The following CDC14A variants were observed in gnomAD, a reference collection of about 807,000 sequenced individuals.
CDC14A encodes the protein dual specificity protein phosphatase CDC14A.
In CDC14A, 53 loss-of-function variants were observed where a neutral mutation model predicts 74.4. The observed-to-expected ratio is 0.71, with a 90% CI of 0.57 to 0.89. The LOEUF (loss-of-function observed/expected upper bound fraction) is 0.89, where lower values mean the gene tolerates loss of function less well. CDC14A is among the 40% of genes least tolerant of loss of function. The pLI is 0.00. For missense variants in CDC14A, 646 were observed against 713.7 expected, an observed-to-expected ratio of 0.91 and a Z score of 1.08; for synonymous variants, 247 against 258.4, an observed-to-expected ratio of 0.96 and a Z score of 0.43.
At chr1:100,400,174 A>T (rs1218201319) in intron 4 of CDC14A, among the ~76,000 whole-genome samples, 2 of 152,188 alleles carry the variant, frequency 1.3e-5, no homozygotes, top group African/African-American at 4.8e-5. Flanking sequence ...ATCATTGGAC[A>T]CTGATATACC....
intron 7 of CDC14A, among the ~76,000 whole-genome samples, chr1:100,446,057 A>G (rs1315250092): frequency 6.6e-6 from 1 of 152,112 alleles, no homozygotes; most frequent in East Asian, 1.9e-4. Flanking sequence ...AGTGAGTATG[A>G]TATTTGGTGA....
intron 6 of CDC14A, among the ~76,000 whole-genome samples, chr1:100,441,450 C>T (rs928364087): frequency 1.3e-5 from 2 of 151,980 alleles, no homozygotes; most frequent in Non-Finnish European, 2.9e-5. Flanking sequence ...CACATTTTTG[C>T]CTTTTTAGGG....
rs369433263 is a variant in CDC14A, at chr1:100,367,600, A to G, written c.141-9946A>G. ...CTTACAAGTGTAAGTATTGTATCAA[A>G]TGACCTTAAGATAAGATAGAGCTTG... On this transcript the variant is annotated intron_variant, in intron 2 of 15. Coordinates refer to ENST00000336454, the MANE Select transcript of CDC14A (RefSeq NM_003672.4). Among the ~76,000 whole-genome samples, 3 of 152,232 alleles carry G rather than the reference A, an allele frequency of 2.0e-5. No individual in the cohort carries two copies. The East Asian group carries it at 5.8e-4, about 29-fold the overall frequency.
intron 15 of CDC14A, chr1:100,504,764 C>G (rs1422098232): frequency 7.2e-7 from 1 of 1,385,276 alleles, no homozygotes; most frequent in Non-Finnish European, 9.9e-7. Context: ...AGTATTGTAT[C>G]TTTGCACCAG....
intron 4 of CDC14A, among the ~76,000 whole-genome samples, chr1:100,403,481 C>T (rs887797574): frequency 6.6e-6 from 1 of 152,164 alleles, no homozygotes; most frequent in Non-Finnish European, 1.5e-5. Flanking sequence ...TGTTTGATTG[C>T]TCTGCATCTA....
intron 5 of CDC14A, among the ~76,000 whole-genome samples, chr1:100,432,892 A>G (rs1663881697): frequency 6.6e-6 from 1 of 151,922 alleles, no homozygotes; most frequent in South Asian, 2.1e-4. Flanking sequence ...TTTCTCCTTT[A>G]TTTATTTGTT....
At chr1:100,500,539 C>A (rs1291635443) in intron 15 of CDC14A, among the ~76,000 whole-genome samples, 1 of 152,102 alleles carries the variant, frequency 6.6e-6, no homozygotes, top group South Asian at 2.1e-4. Flanking sequence ...TGGTGGATCA[C>A]CTGAGGTCAG....
intron 9 of CDC14A, 130 bp from the exon 10 acceptor site, chr1:100,467,826 T>C (rs1557792625): frequency 2.3e-6 from 2 of 872,924 alleles, no homozygotes; most frequent in African/African-American, 1.8e-5. Context: ...ATAGCAGTTA[T>C]GTTTATTAGC....
At chr1:100,388,328 C>T (rs1657159847) in intron 3 of CDC14A, among the ~76,000 whole-genome samples, 1 of 152,152 alleles carries the variant, frequency 6.6e-6, no homozygotes, top group Non-Finnish European at 1.5e-5. Flanking sequence ...ACCAACCACC[C>T]AACAGACAAT....
chr1:100,391,023 A>ATGAGAGAATCTT (rs1553174259), intron 4 of CDC14A, 199 bp downstream of exon 4: 6 of 613,438 alleles, frequency 9.8e-6, no homozygotes, highest in African/African-American at 1.8e-5. Context: ...CTACTAGTTA[A>ATGAGAGAATCTT]TGAGAGAATC....
intron 8 of CDC14A, among the ~76,000 whole-genome samples, chr1:100,456,659 A>G (rs1387474148): frequency 6.6e-6 from 1 of 151,606 alleles, no homozygotes; most frequent in East Asian, 1.9e-4. Context: ...AAAAAGATTT[A>G]TTTTTCTTTA....
intron 11 of CDC14A, among the ~76,000 whole-genome samples, chr1:100,487,683 TTGTGGTTTTACTGAA>T (rs1670184441): frequency 6.6e-6 from 1 of 152,160 alleles, no homozygotes; most frequent in African/African-American, 2.4e-5. Context: ...ATGGACTAAG[TTGTGGTTTTACTGAA>T]TGTTCTTTGC....
chr1:100,512,889 T>C (rs546530101), intron 15 of CDC14A, among the ~76,000 whole-genome samples: 3 of 152,258 alleles, frequency 2.0e-5, no homozygotes, highest in Admixed American at 6.5e-5. Flanking sequence ...TCTAGTGTTA[T>C]TGGAGGAAAT....
chr1:100,396,624 T>C (rs1340589365), intron 4 of CDC14A, among the ~76,000 whole-genome samples: 1 of 152,240 alleles, frequency 6.6e-6, no homozygotes, highest in African/African-American at 2.4e-5. Flanking sequence ...TATACAAAAT[T>C]ACATCACTAC....
rs1650412457 is a variant in CDC14A, at chr1:100,518,352, G to A, written c.*72G>A. The A allele has an allele frequency of 2.5e-6, 3 of 1,211,034 alleles. No individual in the cohort carries two copies. The highest frequency in any genetic ancestry group is 2.3e-5 in the East Asian group (1 of 42,690). 75.0% of individuals were successfully genotyped at this position (1,211,034 alleles called of 1,614,324 possible). On this transcript the variant is annotated 3_prime_UTR_variant, in exon 16 of 16. Transcript: ENST00000336454. ...CTTCATCTGGACGAGCAGTGGAGAG[G>A]GAAAGCAACTTCTTGCTGGAAGAAT... is the stretch of plus-strand genomic sequence containing the variant.
chr1:100,378,082 G>A lies in CDC14A; in HGVS notation c.216+461G>A, dbSNP rs190193886. ...TCTTAAATGTTCTGTGTAGTTAACA[G>A]CCAGGTGAGATTGATGAACCAGCAG... On this transcript the variant is annotated intron_variant, in intron 3 of 15. Coordinates refer to ENST00000336454, the MANE Select transcript of CDC14A (RefSeq NM_003672.4). 1.2e-4 allele frequency among the ~76,000 whole-genome samples: 18 copies of A among 151,752 alleles called. No homozygotes were observed. The East Asian group carries it at 3.5e-3, about 29-fold the overall frequency.
intron 15 of CDC14A, among the ~76,000 whole-genome samples, chr1:100,517,096 G>A (rs1650296959): frequency 6.6e-6 from 1 of 152,192 alleles, no homozygotes; most frequent in African/African-American, 2.4e-5. Context: ...TTGCGGTCAG[G>A]GACCATAACT....
intron 3 of CDC14A, among the ~76,000 whole-genome samples, chr1:100,386,737 T>G (rs555097138): frequency 2.0e-5 from 3 of 152,194 alleles, no homozygotes; most frequent in Admixed American, 2.0e-4. Flanking sequence ...TTTAGAGGCA[T>G]GATATTCTCC....
chr1:100,487,572 G>GAAACAA (rs3081857), intron 11 of CDC14A, among the ~76,000 whole-genome samples: 126,973 of 151,014 alleles, frequency 0.84, 56,788 homozygotes, highest in Non-Finnish European at 0.98. Context: ...AAACAAAACA[G>GAAACAA]AACAAAACAA....
Sources: gnomAD v4.1 joint callset for allele counts (sites outside exome capture counted in the v4.1 genomes callset) on GRCh38, gnomAD v4.1.1 for gene constraint, MANE v1.5 for transcripts, NCBI Gene and HGNC (gene_info 2026-07-23, HGNC 2026-07-21) for gene names.